KIF13A: variants seen among roughly 807,000 people sequenced by gnomAD.
The protein encoded by KIF13A is kinesin-like protein KIF13A.
Under a neutral mutation model 212.2 loss-of-function variants are expected in KIF13A, and 79 were observed. The observed-to-expected ratio is 0.37, with a 90% CI of 0.31 to 0.45. The LOEUF (loss-of-function observed/expected upper bound fraction) is 0.45. Ranked by LOEUF, KIF13A falls within the 20% of genes least tolerant of loss-of-function variation. The pLI, the probability that KIF13A is intolerant of heterozygous loss-of-function variation, is 1.00. For synonymous variants in KIF13A, 789 were observed against 808.6 expected (o/e 0.98, Z 0.41); for missense variants, 1,901 against 2,209.0 (o/e 0.86, Z 2.79).
In KIF13A at chr6:17,850,765, A is replaced by C. The variant is rs1767563450; in HGVS notation, c.583-308T>G. 6.6e-6 allele frequency among the ~76,000 whole-genome samples: 1 copy of C among 152,140 alleles called. No individual in the cohort carries two copies. Among genetic ancestry groups the C allele is most frequent in the African/African-American group, 2.4e-5 (1 of 41,422 alleles). On this transcript the variant is annotated intron_variant, in intron 7 of 38. Coordinates refer to ENST00000259711, the MANE Select transcript of KIF13A (RefSeq NM_022113.6). This position sits in a 1 kb window ranked among gnomAD's most constrained non-coding sequence, Gnocchi z 6.2. The stretch of plus-strand genomic sequence containing the variant: ...ATTGAGCACTCCGATAATCAATAAT[A>C]GCAGTGACTTGATTTAACTCTTACT...
chr6:17,873,486 T>G (rs1164527469), intron 3 of KIF13A, 49 bp from the exon 4 acceptor site: 1 of 1,280,734 alleles, frequency 7.8e-7, no homozygotes, highest in Admixed American at 2.0e-5. Flanking sequence ...TAACTTCTTA[T>G]GAGTAAATCA....
Position 17,856,484 on chromosome 6 carries a change from C to G in KIF13A, c.221-362G>C, listed in dbSNP as rs1236607060. ...CTTATCTCCCCAGCTAGATTCTGAA[C>G]TGCCACTGAACAAGACCATGTTATA... On this transcript the variant is annotated intron_variant, in intron 4 of 38. Transcript: ENST00000259711. The surrounding 1 kb of genome is among the most constrained non-coding windows in gnomAD (Gnocchi z 4.5). 6.6e-6 allele frequency among the ~76,000 whole-genome samples: 1 copy of G among 152,216 alleles called. No homozygotes were observed. The highest frequency in any genetic ancestry group is 6.5e-5 in the Admixed American group (1 of 15,286).
At chr6:17,969,611 A>G (rs536209394) in intron 2 of KIF13A, among the ~76,000 whole-genome samples, 19 of 151,880 alleles carry the variant, frequency 1.3e-4, no homozygotes, top group African/African-American at 4.3e-4. Flanking sequence ...TATGCTGGGG[A>G]CTCTTGTTCC....
chr6:17,832,978 C>T (rs1043493131), intron 12 of KIF13A, among the ~76,000 whole-genome samples: 7 of 135,682 alleles, frequency 5.2e-5, no homozygotes, highest in African/African-American at 2.0e-4. Flanking sequence ...TGCGCCACTG[C>T]ACTCCAGCCT....
intron 2 of KIF13A, among the ~76,000 whole-genome samples, chr6:17,911,654 AG>A (rs1193678414): frequency 6.7e-6 from 1 of 150,030 alleles, no homozygotes; most frequent in East Asian, 2.0e-4. Flanking sequence ...GAAGCTGGGA[AG>A]GGTTATGGGC....
chr6:17,822,497 G>A (rs10807617), intron 16 of KIF13A, among the ~76,000 whole-genome samples: 89,107 of 151,988 alleles, frequency 0.59, 26,667 homozygotes, highest in African/African-American at 0.7. Flanking sequence ...AATGCTTACT[G>A]AATACTCATT....
At chr6:17,861,715 TAA>T (rs1197359723) in intron 4 of KIF13A, among the ~76,000 whole-genome samples, 1 of 152,244 alleles carries the variant, frequency 6.6e-6, no homozygotes, top group African/African-American at 2.4e-5. Flanking sequence ...GTTGACTATT[TAA>T]GTCCTTGCGC....
In KIF13A at chr6:17,776,767, C is replaced by T. The variant is rs889166560; in HGVS notation, c.4170+510G>A. ...CTATCCCTCTGTGACAGTGTCCCCC[C>T]TGCTAGGATCAGTTTCTGTCAATTG... On this transcript the variant is annotated intron_variant, in intron 34 of 38. Coordinates refer to ENST00000259711, the MANE Select transcript of KIF13A (RefSeq NM_022113.6). This position sits in a 1 kb window ranked among gnomAD's most constrained non-coding sequence, Gnocchi z 4.6. 1.3e-5 allele frequency among the ~76,000 whole-genome samples: 2 copies of T among 152,200 alleles called. No individual in the cohort carries two copies. The highest frequency in any genetic ancestry group is 2.9e-5 in the Non-Finnish European group (2 of 68,038).
intron 12 of KIF13A, among the ~76,000 whole-genome samples, chr6:17,832,055 G>C (rs1039514051): frequency 6.6e-6 from 1 of 152,130 alleles, no homozygotes; most frequent in Non-Finnish European, 1.5e-5. Context: ...GCGGGACAGT[G>C]AGTGAGGTGT....
chr6:17,799,611 A>G lies in KIF13A; in HGVS notation c.2617-172T>C, dbSNP rs1224517376. ...GGGTTGTATCGATAATGAAATCTGT[A>G]CCACAGTTCTGTAACTATAGTATAT... On this transcript the variant is annotated intron_variant, in intron 21 of 38. Coordinates refer to ENST00000259711, the MANE Select transcript of KIF13A (RefSeq NM_022113.6). This position sits in a 1 kb window ranked among gnomAD's most constrained non-coding sequence, Gnocchi z 4.4. 6.6e-6 allele frequency among the ~76,000 whole-genome samples: 1 copy of G among 152,202 alleles called. No homozygotes were observed. The highest frequency in any genetic ancestry group is 1.5e-5 in the Non-Finnish European group (1 of 68,036).
At chr6:17,983,111 T>G (rs555708789) in intron 2 of KIF13A, among the ~76,000 whole-genome samples, 1 of 145,192 alleles carries the variant, frequency 6.9e-6, no homozygotes, top group East Asian at 2.0e-4. Flanking sequence ...AGGCGGAGGT[T>G]GCAGTGAGCC....
rs573602777 is a variant in KIF13A, at chr6:17,799,757, A to G, written c.2616+195T>C. ...CTTCTTGCATGTCAAATACATAAACACTTTTGAAATTTGATGCAACTGTCA... is the reference window on the plus strand; with the variant it reads ...CTTCTTGCATGTCAAATACATAAACGCTTTTGAAATTTGATGCAACTGTCA... On this transcript the variant is annotated intron_variant, in intron 21 of 38. Transcript: ENST00000259711. This position sits in a 1 kb window ranked among gnomAD's most constrained non-coding sequence, Gnocchi z 4.4. Among the ~76,000 whole-genome samples the G allele has an allele frequency of 2.0e-4, 31 of 152,274 alleles. No homozygotes were observed. The highest frequency in any genetic ancestry group is 7.0e-4 in the African/African-American group (29 of 41,558).
rs1044689096 is a variant in KIF13A, at chr6:17,951,276, C to T, written c.146+35778G>A. 55 of 598,968 alleles carry T rather than the reference C, an allele frequency of 9.2e-5. No homozygotes were observed. Among genetic ancestry groups the T allele is most frequent in the Middle Eastern group, 9.0e-4 (2 of 2,222 alleles). 37.1% of individuals were successfully genotyped at this position (598,968 alleles called of 1,614,324 possible). On this transcript the variant is annotated intron_variant, in intron 2 of 38. Coordinates refer to ENST00000259711, the MANE Select transcript of KIF13A (RefSeq NM_022113.6). The surrounding 1 kb of genome is among the most constrained non-coding windows in gnomAD (Gnocchi z 4.9). The stretch of plus-strand genomic sequence containing the variant: ...CTGAGTAGCTGGGACCACAGGTATG[C>T]GCCACCACGTCCAGCTAATTTTAAA...
intron 16 of KIF13A, chr6:17,822,043 C>CATTT: frequency 8.5e-6 from 5 of 585,332 alleles, no homozygotes; most frequent in Non-Finnish European, 1.1e-5. Context: ...AACATAACTT[C>CATTT]TTTTTTTTTT....
rs1242034559 is a variant in KIF13A at position 17,926,818 on chromosome 6, C to G, written c.147-28638G>C. On this transcript the variant is annotated intron_variant, in intron 2 of 38. Coordinates refer to ENST00000259711, the MANE Select transcript of KIF13A (RefSeq NM_022113.6). This position sits in a 1 kb window ranked among gnomAD's most constrained non-coding sequence, Gnocchi z 4.3. ...AAAATGTAATCAGAATCCAACAATTCCACTTCTGGGAATATACCCAAAAGA... is the reference window on the plus strand; with the variant it reads ...AAAATGTAATCAGAATCCAACAATTGCACTTCTGGGAATATACCCAAAAGA... 6.6e-6 allele frequency among the ~76,000 whole-genome samples: 1 copy of G among 152,118 alleles called. No individual in the cohort carries two copies. Among genetic ancestry groups the G allele is most frequent in the South Asian group, 2.1e-4 (1 of 4,824 alleles).
intron 2 of KIF13A, among the ~76,000 whole-genome samples, chr6:17,973,152 C>T (rs967990096): frequency 1.3e-5 from 2 of 152,220 alleles, no homozygotes; most frequent in African/African-American, 4.8e-5. Flanking sequence ...TCTAAACCAA[C>T]AATAAATGTC....
chr6:17,881,514 T>C (rs944114473), intron 3 of KIF13A: 4 of 432,294 alleles, frequency 9.3e-6, no homozygotes, highest in Admixed American at 5.5e-5. Flanking sequence ...GGCCAACATA[T>C]GGTGAAACCC....
chr6:17,856,620 TCACAGGCACCCGTCACCTGTGTCCC>T lies in KIF13A; in HGVS notation c.221-523_221-499del, dbSNP rs1316107455. Among the ~76,000 whole-genome samples the T allele has an allele frequency of 2.6e-5, 4 of 152,170 alleles. No homozygotes were observed. The highest frequency in any genetic ancestry group is 9.7e-5 in the African/African-American group (4 of 41,428). On this transcript the variant is annotated intron_variant, in intron 4 of 38. Coordinates refer to ENST00000259711, the MANE Select transcript of KIF13A (RefSeq NM_022113.6). This position sits in a 1 kb window ranked among gnomAD's most constrained non-coding sequence, Gnocchi z 4.5. The stretch of plus-strand genomic sequence containing the variant: ...ACAACTTCAGCTGCTGTTTGTAGAT[TCACAGGCACCCGTCACCTGTGTCCC>T]CACAGCGGGAGTGGGGGACAAGTTC...
intron 25 of KIF13A, among the ~76,000 whole-genome samples, chr6:17,792,196 CA>C (rs10666115): frequency 0.019 from 1,393 of 75,032 alleles, 7 homozygotes; most frequent in African/African-American, 0.031. Context: ...GAGTGAGACT[CA>C]AAAAAAAAAA....
Sources: allele counts gnomAD v4.1 joint callset (sites outside exome capture counted in the v4.1 genomes callset), GRCh38; gene constraint gnomAD v4.1.1; non-coding constraint Gnocchi (gnomAD v3.1); transcripts MANE v1.5; gene names NCBI Gene and HGNC (gene_info 2026-07-23, HGNC 2026-07-21).